NRXN1: variants seen among roughly 807,000 people sequenced by gnomAD.
NRXN1 encodes neurexin 1, also known as neurexin-1.
In NRXN1, 39 loss-of-function variants were observed where a neutral mutation model predicts 150.9. That is an observed-to-expected ratio of 0.26 (90% CI 0.20 to 0.34). The LOEUF (loss-of-function observed/expected upper bound fraction) is 0.34. Among genes scored for constraint, NRXN1 ranks in the 10% least tolerant of loss-of-function variants. The pLI, the probability that NRXN1 is intolerant of heterozygous loss-of-function variation, is 1.00. For synonymous variants in NRXN1, 924 were observed against 757.0 expected, an observed-to-expected ratio of 1.22 and a Z score of -3.62; for missense variants, 1,815 against 1,949.9, an observed-to-expected ratio of 0.93 and a Z score of 1.30.
chr2:51,017,189 C>T (rs1037745340), intron 2 of NRXN1, among the ~76,000 whole-genome samples: 3 of 151,968 alleles, frequency 2.0e-5, no homozygotes, highest in Admixed American at 2.0e-4. Flanking sequence ...ACCACCATGG[C>T]ACGTGTATAC....
At chr2:50,546,329 C>G (rs2093493303) in intron 9 of NRXN1, among the ~76,000 whole-genome samples, 1 of 152,110 alleles carries the variant, frequency 6.6e-6, no homozygotes, top group Admixed American at 6.5e-5. Context: ...AAGATTACTG[C>G]TAATATTTGC....
intron 12 of NRXN1, among the ~76,000 whole-genome samples, chr2:50,523,971 T>A (rs1461008776): frequency 6.6e-6 from 1 of 152,098 alleles, no homozygotes; most frequent in East Asian, 1.9e-4. Context: ...AACTCCAGAG[T>A]TTTTATTCTT....
chr2:50,133,810 A>C (rs1167571500), intron 18 of NRXN1, among the ~76,000 whole-genome samples: 1 of 152,222 alleles, frequency 6.6e-6, no homozygotes, highest in Non-Finnish European at 1.5e-5. Context: ...TAAAGCCATG[A>C]GGAATTATTT....
At chr2:50,910,148 G>A (rs1021853249) in intron 5 of NRXN1, among the ~76,000 whole-genome samples, 1 of 151,798 alleles carries the variant, frequency 6.6e-6, no homozygotes, top group Non-Finnish European at 1.5e-5. Flanking sequence ...GGGATTTAAT[G>A]AGCTTTAAAA....
intron 17 of NRXN1, among the ~76,000 whole-genome samples, chr2:50,457,274 G>T (rs2087665178): frequency 6.6e-6 from 1 of 152,092 alleles, no homozygotes; most frequent in Admixed American, 6.6e-5. Flanking sequence ...AGTGAGAAAA[G>T]CATGGAAAAA....
chr2:50,798,280 C>T (rs938944818), intron 5 of NRXN1, among the ~76,000 whole-genome samples: 2 of 152,008 alleles, frequency 1.3e-5, no homozygotes, highest in African/African-American at 4.8e-5. Flanking sequence ...CCTCAATAGT[C>T]AAAAAGCAGA....
intron 18 of NRXN1, among the ~76,000 whole-genome samples, chr2:50,181,204 A>G (rs370408049): frequency 3.3e-5 from 5 of 152,034 alleles, no homozygotes; most frequent in African/African-American, 1.2e-4. Flanking sequence ...GAGAAGTCTT[A>G]ACTATCTTGA....
chr2:50,088,357 C>T (rs10490242), intron 19 of NRXN1, among the ~76,000 whole-genome samples: 48,736 of 151,958 alleles, frequency 0.32, 8,231 homozygotes, highest in Non-Finnish European at 0.37. Flanking sequence ...AATAAAACAT[C>T]TGATGACAAT....
intron 19 of NRXN1, among the ~76,000 whole-genome samples, chr2:50,081,963 T>C (rs1698033954): frequency 6.6e-6 from 1 of 151,940 alleles, no homozygotes; most frequent in Admixed American, 6.6e-5. Flanking sequence ...AGTCAAATTA[T>C]AAAAGCGACT....
chr2:50,801,655 C>T (rs1707615679), intron 5 of NRXN1, among the ~76,000 whole-genome samples: 1 of 152,060 alleles, frequency 6.6e-6, no homozygotes, highest in Non-Finnish European at 1.5e-5. Context: ...AAGCAAATAT[C>T]AGTTTATATA....
chr2:50,194,200 A>C (rs1477113629), intron 18 of NRXN1, among the ~76,000 whole-genome samples: 1 of 151,370 alleles, frequency 6.6e-6, no homozygotes, highest in Non-Finnish European at 1.5e-5. Flanking sequence ...ACTAATATTC[A>C]CTTGAATTTT....
At chr2:50,012,294 T>C (rs914894108) in intron 21 of NRXN1, among the ~76,000 whole-genome samples, 4 of 152,140 alleles carry the variant, frequency 2.6e-5, no homozygotes, top group African/African-American at 4.8e-5. Flanking sequence ...ATAATACTAT[T>C]ATAACTGCAT....
chr2:50,051,274 T>C (rs1308173305), intron 21 of NRXN1, among the ~76,000 whole-genome samples: 1 of 152,066 alleles, frequency 6.6e-6, no homozygotes, highest in African/African-American at 2.4e-5. Context: ...ATGTTACTAA[T>C]TGACAAAATA....
At chr2:50,453,359 C>T (rs906267803) in intron 17 of NRXN1, among the ~76,000 whole-genome samples, 1 of 152,120 alleles carries the variant, frequency 6.6e-6, no homozygotes, top group South Asian at 2.1e-4. Context: ...CAGGTACCAC[C>T]GTTTGGGAAT....
At chr2:50,739,005 C>A (rs1397028505) in intron 5 of NRXN1, among the ~76,000 whole-genome samples, 1 of 152,130 alleles carries the variant, frequency 6.6e-6, no homozygotes, top group Non-Finnish European at 1.5e-5. Context: ...TGGCTCAGTG[C>A]TCTATTAGGC....
chr2:50,200,280 A>G (rs2062064729), intron 18 of NRXN1, among the ~76,000 whole-genome samples: 1 of 152,140 alleles, frequency 6.6e-6, no homozygotes, highest in Non-Finnish European at 1.5e-5. Context: ...CTTAGCTGTA[A>G]TAACTACCTG....
chr2:50,751,672 T>C (rs1700611516), intron 5 of NRXN1, among the ~76,000 whole-genome samples: 1 of 151,988 alleles, frequency 6.6e-6, no homozygotes. Context: ...GCTTTCATGA[T>C]GATTCCTGCA....
At chr2:49,926,180 T>A in intron 22 of NRXN1, 1 of 394,596 alleles carries the variant, frequency 2.5e-6, no homozygotes, top group East Asian at 3.6e-5. Flanking sequence ...GTACAACAGT[T>A]ATGACCCATT....
At chr2:49,999,499 A>G (rs192237875) in intron 21 of NRXN1, among the ~76,000 whole-genome samples, 81 of 152,290 alleles carry the variant, frequency 5.3e-4, no homozygotes, top group Admixed American at 1.2e-3. Context: ...TTGCTCAAAA[A>G]TGGTTGTTGA....
Sources: gnomAD v4.1 joint callset for allele counts (sites outside exome capture counted in the v4.1 genomes callset) on GRCh38, gnomAD v4.1.1 for gene constraint, MANE v1.5 for transcripts, NCBI Gene and HGNC (gene_info 2026-07-23, HGNC 2026-07-21) for gene names.